NIPSNAP2: variants seen among roughly 807,000 people sequenced by gnomAD.
NIPSNAP2 encodes nipsnap homolog 2, also known as protein NipSnap homolog 2.
NIPSNAP2 carries 42 observed loss-of-function variants against 48.4 expected under a neutral mutation model. The ratio of observed to expected loss-of-function variants is 0.87; its 90% CI spans 0.68 to 1.12. The LOEUF (loss-of-function observed/expected upper bound fraction) is 1.12, where lower values mean the gene tolerates loss of function less well. Among genes scored for constraint, NIPSNAP2 ranks in the 50% most tolerant of loss-of-function variants. The probability of loss-of-function intolerance (pLI) is 0.00; values close to 1 mark genes in which losing one functional copy is unlikely to be tolerated. For missense variants in NIPSNAP2, 314 were observed against 347.3 expected, an observed-to-expected ratio of 0.90 and a Z score of 0.76; for synonymous variants, 158 against 126.6, an observed-to-expected ratio of 1.25 and a Z score of -1.67.
chr7:55,971,666 A>G (rs1377023350), intron 1 of NIPSNAP2, among the ~76,000 whole-genome samples: 1 of 151,942 alleles, frequency 6.6e-6, no homozygotes, highest in Non-Finnish European at 1.5e-5. Flanking sequence ...GGGTCTTCCT[A>G]TGCTGCCCAG....
intron 6 of NIPSNAP2, 74 bp from the exon 7 acceptor site, chr7:55,984,773 C>T (rs1584346463): frequency 2.9e-6 from 3 of 1,034,772 alleles, no homozygotes; most frequent in East Asian, 2.6e-5. Context: ...AATGTTTTTT[C>T]TACTGCTGTT....
At chr7:55,993,320 C>A (rs1053546928) in intron 7 of NIPSNAP2, among the ~76,000 whole-genome samples, 12 of 151,228 alleles carry the variant, frequency 7.9e-5, no homozygotes, top group Admixed American at 7.9e-4. Context: ...TGTAGGCTGG[C>A]CTGGTGGCTC....
chr7:55,978,149 G>A lies in NIPSNAP2; in HGVS notation c.116G>A (p.Arg39Lys). Residue 39 changes from arginine (R) to lysine (K), a missense_variant, in exon 2 of 10, where the codon AGA (arginine) becomes AAA (lysine). Arg to Lys is a conservative substitution (Grantham distance 26). This residue lies in a region of NIPSNAP2 where 198 missense variants were observed against 185.5 expected (regional missense o/e 1.07). Coordinates refer to ENST00000322090, the MANE Select transcript of NIPSNAP2 (RefSeq NM_001483.3). The stretch of plus-strand genomic sequence containing the variant: ...AGGACATGGACATCTTCCAGCAACA[G>A]ATCTCGAGAAGACAGCTGGCTAAAA... ...RLRTWTSSSN[R>K]SREDSWLKSL... 1.2e-6 allele frequency: 2 copies of A among 1,614,128 alleles called. No individual in the cohort carries two copies. The highest frequency in any genetic ancestry group is 1.7e-6 in the Non-Finnish European group (2 of 1,180,028).
At chr7:55,997,019 T>C (rs999649835) in intron 8 of NIPSNAP2, among the ~76,000 whole-genome samples, 1 of 152,106 alleles carries the variant, frequency 6.6e-6, no homozygotes, top group Non-Finnish European at 1.5e-5. Context: ...AATTAGCCAA[T>C]GTGGTAGCAC....
At chr7:55,969,284 G>C (rs1045990347) in intron 1 of NIPSNAP2, among the ~76,000 whole-genome samples, 2 of 152,022 alleles carry the variant, frequency 1.3e-5, no homozygotes, top group African/African-American at 4.8e-5. Context: ...GAGTCAGGGA[G>C]CTGCTGCTTT....
intron 7 of NIPSNAP2, among the ~76,000 whole-genome samples, chr7:55,986,983 TAAAAAAAAA>T (rs71561981): frequency 3.6e-5 from 2 of 54,800 alleles, no homozygotes; most frequent in African/African-American, 8.1e-5. Context: ...CCTGTCTCTA[TAAAAAAAAA>T]AAAAAAAAAA....
intron 6 of NIPSNAP2, among the ~76,000 whole-genome samples, chr7:55,984,239 A>G (rs992499278): frequency 1.1e-4 from 16 of 152,180 alleles, no homozygotes; most frequent in Non-Finnish European, 2.2e-4. Flanking sequence ...AGGCAATAAT[A>G]TAACACTTTC....
At chr7:55,975,750 G>C (rs529242699) in intron 1 of NIPSNAP2, among the ~76,000 whole-genome samples, 2 of 152,290 alleles carry the variant, frequency 1.3e-5, no homozygotes, top group East Asian at 3.9e-4. Context: ...ATAAAGTTCA[G>C]AAGAGGGCTG....
At position 55,964,637 on chromosome 7, in the gene NIPSNAP2, G is replaced by C. The variant is rs1198291847; in HGVS notation, c.28G>C (p.Gly10Arg). 5 of 1,076,512 alleles carry C rather than the reference G, an allele frequency of 4.6e-6. No homozygotes were observed. The South Asian group carries it at 1.3e-4, about 28-fold the overall frequency. The allele number at this position is 1,076,512 out of a possible 1,614,324, so 66.7% of individuals were successfully genotyped here. ...GGCGGCGCGAGTGCTGCGCGCCCGC[G>C]GAGCGGCCTGGGCCGGCGGCCTCCT... MAARVLRAR[G>R]AAWAGGLLQR... The change falls in exon 1 of 10, where the codon GGA (glycine) becomes CGA (arginine). Residue 10 changes from glycine (G) to arginine (R), a missense_variant. Physicochemically the swap from Gly to Arg is moderately radical, Grantham distance 125. Around this residue, in one of 2 missense-constraint regions of NIPSNAP2, gnomAD observed 198 missense variants for 185.5 expected, o/e 1.07. Coordinates refer to ENST00000322090, the MANE Select transcript of NIPSNAP2 (RefSeq NM_001483.3).
intron 1 of NIPSNAP2, among the ~76,000 whole-genome samples, chr7:55,977,390 A>G (rs75649596): frequency 1.3e-5 from 2 of 151,756 alleles, no homozygotes; most frequent in Admixed American, 6.6e-5. Flanking sequence ...GACTCCATCT[A>G]AAAAAAAATT....
intron 7 of NIPSNAP2, among the ~76,000 whole-genome samples, chr7:55,989,399 A>C (rs1200560210): frequency 3.3e-5 from 5 of 152,128 alleles, no homozygotes; most frequent in Admixed American, 1.3e-4. Flanking sequence ...CTGAGGTGGG[A>C]GGATCCCTTG....
intron 7 of NIPSNAP2, 86 bp from the exon 8 acceptor site, chr7:55,994,808 C>G: frequency 9.2e-7 from 1 of 1,090,152 alleles, no homozygotes; most frequent in South Asian, 1.3e-5. Context: ...AACAGCCTGC[C>G]CTGAGTATGG....
intron 7 of NIPSNAP2, among the ~76,000 whole-genome samples, chr7:55,992,837 C>T (rs535587889): frequency 6.6e-6 from 1 of 152,150 alleles, no homozygotes; most frequent in Non-Finnish European, 1.5e-5. Flanking sequence ...TCCTGATAGA[C>T]CTTAACCATG....
intron 1 of NIPSNAP2, among the ~76,000 whole-genome samples, chr7:55,970,738 A>G (rs1254665382): frequency 1.3e-5 from 2 of 152,022 alleles, no homozygotes; most frequent in African/African-American, 4.8e-5. Flanking sequence ...CATTCCAGAC[A>G]TATGCCATTC....
intron 7 of NIPSNAP2, among the ~76,000 whole-genome samples, chr7:55,985,997 G>C (rs538849329): frequency 1.3e-5 from 2 of 151,690 alleles, no homozygotes; most frequent in African/African-American, 4.8e-5. Flanking sequence ...GCAGTGAGCT[G>C]AGATCACACC....
chr7:55,984,672 T>G (rs1250432436), intron 6 of NIPSNAP2, among the ~76,000 whole-genome samples, 175 bp from the exon 7 acceptor site: 1 of 150,186 alleles, frequency 6.7e-6, no homozygotes, highest in Non-Finnish European at 1.5e-5. Context: ...GAGCTGAGAT[T>G]GAGCCACTGC....
chr7:55,987,006 A>AAC (rs1562766931), intron 7 of NIPSNAP2, among the ~76,000 whole-genome samples: 5 of 137,078 alleles, frequency 3.6e-5, no homozygotes, highest in Admixed American at 1.5e-4. Context: ...AAAAAAAAAA[A>AAC]AAAACTTGCC....
chr7:55,995,169 T>G (rs1004836703), intron 8 of NIPSNAP2, among the ~76,000 whole-genome samples, 181 bp downstream of exon 8: 1 of 152,066 alleles, frequency 6.6e-6, no homozygotes, highest in Non-Finnish European at 1.5e-5. Context: ...GTCCATAGAT[T>G]GATGGCATTA....
At chr7:55,984,594 C>T (rs539001799) in intron 6 of NIPSNAP2, among the ~76,000 whole-genome samples, 1 of 151,662 alleles carries the variant, frequency 6.6e-6, no homozygotes, top group African/African-American at 2.4e-5. Flanking sequence ...TGGCGGGCGC[C>T]GGTAATCCCA....
Sources: gnomAD v4.1 joint callset for allele counts (sites outside exome capture counted in the v4.1 genomes callset) on GRCh38, gnomAD v4.1.1 for gene constraint, gnomAD v4.1.1 regional missense constraint, MANE v1.5 for transcripts, NCBI Gene and HGNC (gene_info 2026-07-23, HGNC 2026-07-21) for gene names.